Variants in GAB1 observed in about 807,000 individuals in gnomAD.
The protein encoded by GAB1 is GRB2-associated-binding protein 1.
Under a neutral mutation model 66.5 loss-of-function variants are expected in GAB1, and 19 were observed. That is an observed-to-expected ratio of 0.29 (90% CI 0.20 to 0.42). GAB1 has a LOEUF of 0.42. GAB1 is among the 10% of genes least tolerant of loss of function. The pLI is 1.00. For missense variants in GAB1, 732 were observed against 858.5 expected (o/e 0.85, Z 1.84); for synonymous variants, 294 against 301.4 (o/e 0.98, Z 0.25).
intron 1 of GAB1, among the ~76,000 whole-genome samples, chr4:143,379,401 C>G (rs1028502540): frequency 6.6e-6 from 1 of 152,118 alleles, no homozygotes; most frequent in Non-Finnish European, 1.5e-5. Context: ...TAAGGATATC[C>G]TTAAGATGAT....
At chr4:143,338,712 G>GGGGTGTGT (rs71588246) in intron 1 of GAB1, among the ~76,000 whole-genome samples, 16 of 149,288 alleles carry the variant, frequency 1.1e-4, no homozygotes, top group African/African-American at 3.5e-4. Flanking sequence ...GAAAGGTAGG[G>GGGGTGTGT]GTGTGTGTGT....
At position 143,471,706 on chromosome 4, in the gene GAB1, C is replaced by T. The variant is rs1390447425; in HGVS notation, c.*2517C>T. ...GTAAGCAAAAATAATAGGTTTTAAA[C>T]ATACATCTCAGGAAATTCTTTAATT... On this transcript the variant is annotated 3_prime_UTR_variant, in exon 10 of 10. Coordinates refer to ENST00000262994, the MANE Select transcript of GAB1 (RefSeq NM_002039.4). 2 of 152,076 alleles carry T rather than the reference C, an allele frequency of 1.3e-5. No homozygotes were observed. The highest frequency in any genetic ancestry group is 6.6e-5 in the Admixed American group (1 of 15,266). 9.4% of individuals were successfully genotyped at this position (152,076 alleles called of 1,614,324 possible).
At chr4:143,350,382 A>G (rs1410127050) in intron 1 of GAB1, among the ~76,000 whole-genome samples, 1 of 152,134 alleles carries the variant, frequency 6.6e-6, no homozygotes, top group African/African-American at 2.4e-5. Flanking sequence ...AACACTCTTA[A>G]GGCTTTGTGT....
rs55916366 is a variant in GAB1 at position 143,406,186 on chromosome 4, A to C, written c.73-9291A>C. On this transcript the variant is annotated intron_variant, in intron 1 of 9. Coordinates refer to ENST00000262994, the MANE Select transcript of GAB1 (RefSeq NM_002039.4). The stretch of plus-strand genomic sequence containing the variant: ...ATCCTACCTTCTACTGAATATTTAG[A>C]TCATTTCAAATATTTACTTACAGAA... Among the ~76,000 whole-genome samples the C allele has an allele frequency of 1.5e-3, 227 of 152,264 alleles. 1 individual carries two copies. The highest frequency in any genetic ancestry group is 2.4e-3 in the Non-Finnish European group (164 of 68,018).
intron 1 of GAB1, among the ~76,000 whole-genome samples, chr4:143,382,912 A>G (rs945044772): frequency 1.3e-5 from 2 of 152,028 alleles, no homozygotes; most frequent in South Asian, 2.1e-4. Flanking sequence ...GAGGATTTTT[A>G]TGTTTTTTGT....
intron 1 of GAB1, among the ~76,000 whole-genome samples, chr4:143,384,390 T>G (rs1029151211): frequency 6.6e-6 from 1 of 152,186 alleles, no homozygotes; most frequent in Non-Finnish European, 1.5e-5. Context: ...AAATTTGAAG[T>G]AAGGTTAAAG....
At chr4:143,349,597 C>A (rs551355495) in intron 1 of GAB1, 31 of 1,484,400 alleles carry the variant, frequency 2.1e-5, no homozygotes, top group Non-Finnish European at 2.7e-5. Context: ...AGAGCCGCAG[C>A]GGCCTGTCAC....
At chr4:143,456,397 C>T (rs1221099279) in intron 6 of GAB1, among the ~76,000 whole-genome samples, 7 of 150,010 alleles carry the variant, frequency 4.7e-5, no homozygotes, top group Admixed American at 2.7e-4. Flanking sequence ...GCAGAGCTTG[C>T]GGTGAGCCAA....
intron 1 of GAB1, among the ~76,000 whole-genome samples, chr4:143,351,883 A>G (rs943993649): frequency 3.3e-5 from 5 of 152,236 alleles, no homozygotes; most frequent in Non-Finnish European, 7.3e-5. Flanking sequence ...AGGGGTTCAT[A>G]AAGCTTGGTT....
intron 1 of GAB1, among the ~76,000 whole-genome samples, chr4:143,390,420 T>G (rs768820701): frequency 2.1e-4 from 31 of 149,606 alleles, no homozygotes; most frequent in African/African-American, 5.6e-4. Context: ...TTTTTTTTGT[T>G]TTTTTTTTTT....
chr4:143,379,448 G>A (rs1035774080), intron 1 of GAB1, among the ~76,000 whole-genome samples: 1 of 152,054 alleles, frequency 6.6e-6, no homozygotes, highest in Admixed American at 6.5e-5. Context: ...CTCCAGGTAC[G>A]GTTAGCAGTG....
At chr4:143,378,633 C>G (rs966148308) in intron 1 of GAB1, among the ~76,000 whole-genome samples, 3 of 82,294 alleles carry the variant, frequency 3.6e-5, no homozygotes, top group Admixed American at 2.2e-4. Flanking sequence ...CAAAGTGTCT[C>G]TCTCTCTCTC....
At chr4:143,430,693 C>T (rs888856179) in intron 2 of GAB1, among the ~76,000 whole-genome samples, 2 of 152,146 alleles carry the variant, frequency 1.3e-5, no homozygotes, top group African/African-American at 4.8e-5. Context: ...CCTTTTATAA[C>T]CCCTTAAAAC....
chr4:143,432,132 C>G (rs1382078376), intron 2 of GAB1, among the ~76,000 whole-genome samples: 1 of 152,086 alleles, frequency 6.6e-6, no homozygotes, highest in Non-Finnish European at 1.5e-5. Flanking sequence ...GCTGGCCAGC[C>G]CACTGCGCAG....
Position 143,469,427 on chromosome 4 carries a change from TTTG to T in GAB1, c.*241_*243del. The T allele has an allele frequency of 6.7e-6, 3 of 451,100 alleles. No individual in the cohort carries two copies. The highest frequency in any genetic ancestry group is 1.2e-5 in the Non-Finnish European group (3 of 246,514). 27.9% of individuals were successfully genotyped at this position (451,100 alleles called of 1,614,324 possible). ...GTATTGTTTAGCTCCCAGAGAAACA[TTTG>T]TTCCACAGTTAACACACTCGTAGTA... On this transcript the variant is annotated 3_prime_UTR_variant, in exon 10 of 10. Coordinates refer to ENST00000262994, the MANE Select transcript of GAB1 (RefSeq NM_002039.4).
rs199619770 is a variant in GAB1 at position 143,410,626 on chromosome 4, T to C, written c.73-4851T>C. Reference sequence around the variant, plus strand: ...TAAATACAGGAAATGTTTAAAAGAATAGTTCTTTTAAAATGATGTTTAAAA... The same window carrying C: ...TAAATACAGGAAATGTTTAAAAGAACAGTTCTTTTAAAATGATGTTTAAAA... On this transcript the variant is annotated intron_variant, in intron 1 of 9. Transcript: ENST00000262994. 2.6e-3 allele frequency among the ~76,000 whole-genome samples: 403 copies of C among 152,304 alleles called. 2 individuals are homozygous for C. The highest frequency in any genetic ancestry group is 4.3e-3 in the Non-Finnish European group (293 of 68,014).
intron 1 of GAB1, among the ~76,000 whole-genome samples, chr4:143,356,597 G>A (rs1047512314): frequency 6.6e-6 from 1 of 152,160 alleles, no homozygotes; most frequent in African/African-American, 2.4e-5. Context: ...TAAATTGGCA[G>A]TTGCTCAGCC....
chr4:143,364,923 G>C (rs922028371), intron 1 of GAB1, among the ~76,000 whole-genome samples: 2 of 140,700 alleles, frequency 1.4e-5, no homozygotes, highest in African/African-American at 2.8e-5. Flanking sequence ...TGTCACCCAG[G>C]CTGGAGTGCA....
intron 7 of GAB1, 111 bp from the exon 8 acceptor site, chr4:143,460,253 C>T (rs1166171293): frequency 2.0e-6 from 2 of 998,474 alleles, no homozygotes; most frequent in Non-Finnish European, 3.1e-6. Context: ...TGATTATAAA[C>T]ATAAGGGAAT....
Sources: allele counts gnomAD v4.1 joint callset (sites outside exome capture counted in the v4.1 genomes callset), GRCh38; gene constraint gnomAD v4.1.1; transcripts MANE v1.5; gene names NCBI Gene and HGNC (gene_info 2026-07-23, HGNC 2026-07-21).